The following ODAD2 variants were observed in gnomAD, a reference collection of about 807,000 sequenced individuals.
ODAD2 encodes the protein outer dynein arm docking complex subunit 2, also known as outer dynein arm-docking complex subunit 2.
Under a neutral mutation model 106.8 loss-of-function variants are expected in ODAD2, and 89 were observed. The ratio of observed to expected loss-of-function variants is 0.83; its 90% CI spans 0.70 to 0.99. The LOEUF (loss-of-function observed/expected upper bound fraction) is 0.99. Among genes scored for constraint, ODAD2 ranks in the 50% least tolerant of loss-of-function variants. The pLI, the probability that ODAD2 is intolerant of heterozygous loss-of-function variation, is 0.00. For synonymous variants in ODAD2, 404 were observed against 436.2 expected, an observed-to-expected ratio of 0.93 and a Z score of 0.92; for missense variants, 1,168 against 1,238.5, an observed-to-expected ratio of 0.94 and a Z score of 0.85.
At chr10:27,942,691 G>T (rs910461575) in intron 12 of ODAD2, among the ~76,000 whole-genome samples, 3 of 152,050 alleles carry the variant, frequency 2.0e-5, no homozygotes, top group Non-Finnish European at 4.4e-5. Context: ...TAAATTTTCT[G>T]TAACATTTTA....
At position 27,907,655 on chromosome 10, in the gene ODAD2, G is replaced by C. The variant is rs372647560; in HGVS notation, c.2610+8C>G. On this transcript the variant is annotated splice_region_variant and intron_variant, in intron 17 of 19. Transcript: ENST00000305242. ...TCTAGAAGAGACTGACTTGCAGTCC[G>C]TTCTTACCTTTGCATTTTTGATGCA... The C allele has an allele frequency of 9.4e-6, 15 of 1,599,314 alleles. No individual in the cohort carries two copies. The highest frequency in any genetic ancestry group is 1.7e-5 in the Admixed American group (1 of 59,932).
intron 19 of ODAD2, among the ~76,000 whole-genome samples, chr10:27,831,364 A>T (rs1393171053): frequency 8.5e-5 from 13 of 152,198 alleles, no homozygotes; most frequent in Admixed American, 8.5e-4. Context: ...GGAAAGGCAG[A>T]GGGGCTAGAG....
At chr10:27,974,806 A>G (rs1021489753) in intron 7 of ODAD2, among the ~76,000 whole-genome samples, 5 of 151,708 alleles carry the variant, frequency 3.3e-5, no homozygotes, top group Admixed American at 6.6e-5. Flanking sequence ...TAGGAATAGC[A>G]TTGAATCTAT....
intron 10 of ODAD2, chr10:27,959,046 C>T: frequency 4.7e-6 from 6 of 1,288,396 alleles, no homozygotes; most frequent in Non-Finnish European, 6.1e-6. Context: ...TTCTGAAAGA[C>T]TATGTCTTGG....
intron 17 of ODAD2, among the ~76,000 whole-genome samples, chr10:27,874,075 T>G (rs1675334505): frequency 6.6e-6 from 1 of 152,214 alleles, no homozygotes; most frequent in African/African-American, 2.4e-5. Context: ...GATAGTTAGT[T>G]CTCCTTGTTG....
upstream of ODAD2, among the ~76,000 whole-genome samples, chr10:27,999,344 T>C (rs765407832): frequency 2.0e-5 from 3 of 152,148 alleles, no homozygotes; most frequent in Non-Finnish European, 2.9e-5. Flanking sequence ...CATTTTTCCA[T>C]AGGCTTCCAG....
At chr10:27,871,124 C>T (rs1374713410) in intron 17 of ODAD2, among the ~76,000 whole-genome samples, 3 of 152,100 alleles carry the variant, frequency 2.0e-5, no homozygotes, top group Admixed American at 6.6e-5. Context: ...AGCATTTTTT[C>T]GTGTGTCTAT....
intron 9 of ODAD2, among the ~76,000 whole-genome samples, chr10:27,966,787 C>T (rs1332421713): frequency 3.3e-5 from 5 of 152,054 alleles, no homozygotes; most frequent in Non-Finnish European, 7.4e-5. Flanking sequence ...GAAATACTTT[C>T]GGCCCAATAT....
At chr10:27,960,456 C>T (rs1848055319) in intron 10 of ODAD2, among the ~76,000 whole-genome samples, 2 of 151,456 alleles carry the variant, frequency 1.3e-5, no homozygotes, top group South Asian at 2.1e-4. Flanking sequence ...AAGCAATTCT[C>T]CTGCCTCAGC....
chr10:27,967,424 T>C (rs1437562523), intron 9 of ODAD2, among the ~76,000 whole-genome samples: 1 of 152,208 alleles, frequency 6.6e-6, no homozygotes, highest in Non-Finnish European at 1.5e-5. Flanking sequence ...AGCAGAGGCA[T>C]AGGTGGAGCA....
chr10:27,966,109 C>A (rs1588626354), intron 9 of ODAD2, among the ~76,000 whole-genome samples: 1 of 145,810 alleles, frequency 6.9e-6, no homozygotes, highest in South Asian at 2.3e-4. Context: ...TAATTTCTTA[C>A]AGGTTTTTTG....
At chr10:27,831,697 T>A (rs987241348) in intron 19 of ODAD2, among the ~76,000 whole-genome samples, 26 of 152,240 alleles carry the variant, frequency 1.7e-4, no homozygotes, top group Non-Finnish European at 1.2e-4. Flanking sequence ...TGGCCTGGCC[T>A]CATTCTTGGA....
At chr10:27,886,618 A>G (rs894711564) in intron 17 of ODAD2, among the ~76,000 whole-genome samples, 2 of 152,096 alleles carry the variant, frequency 1.3e-5, no homozygotes, top group African/African-American at 2.4e-5. Context: ...TAAAAATAAC[A>G]GTATTACAGT....
At chr10:27,928,353 G>A (rs890632686) in intron 16 of ODAD2, among the ~76,000 whole-genome samples, 18 of 151,936 alleles carry the variant, frequency 1.2e-4, no homozygotes, top group East Asian at 3.9e-4. Context: ...TTAACCTATC[G>A]ATTTCTCTAT....
rs754506887 is a variant in ODAD2, at chr10:27,981,559, G to A, written c.843C>T (p.Asp281=). Residue 281 remains aspartate (D), a synonymous_variant, in exon 7 of 20, where the codon GAC becomes GAT. Coordinates refer to ENST00000305242, the MANE Select transcript of ODAD2 (RefSeq NM_018076.5). ...LNGGKTDDEG[D]VNYERKGSIY... The stretch of plus-strand genomic sequence containing the variant: ...TTGAACCTTTTCTCTCATAATTAAC[G>A]TCCCCTTCATCATCTGTTTTGCCCT... The A allele has an allele frequency of 3.4e-5, 52 of 1,540,416 alleles. No individual in the cohort carries two copies. Among genetic ancestry groups the A allele is most frequent in the South Asian group, 2.6e-5 (2 of 76,936 alleles).
At chr10:27,987,226 T>G (rs1430430013) in intron 3 of ODAD2, among the ~76,000 whole-genome samples, 160 bp downstream of exon 3, 1 of 152,214 alleles carries the variant, frequency 6.6e-6, no homozygotes, top group African/African-American at 2.4e-5. Context: ...CCAAGGAAAA[T>G]TAATAACATT....
intron 10 of ODAD2, among the ~76,000 whole-genome samples, chr10:27,956,705 G>A (rs911740944): frequency 1.3e-5 from 2 of 152,142 alleles, no homozygotes; most frequent in African/African-American, 2.4e-5. Context: ...TGCCTATAGG[G>A]TTAAAACCAT....
intron 17 of ODAD2, among the ~76,000 whole-genome samples, chr10:27,888,642 T>C (rs1366567626): frequency 1.3e-5 from 2 of 152,208 alleles, no homozygotes; most frequent in Non-Finnish European, 2.9e-5. Flanking sequence ...ATTATTACTT[T>C]GGCTGTGTAA....
intron 17 of ODAD2, among the ~76,000 whole-genome samples, chr10:27,885,577 TAA>T (rs1422826486): frequency 2.7e-5 from 1 of 37,146 alleles, no homozygotes; most frequent in African/African-American, 1.1e-4. Flanking sequence ...TATATATATA[TAA>T]ATATATAAAT....
Sources: gnomAD v4.1 joint callset for allele counts (sites outside exome capture counted in the v4.1 genomes callset) on GRCh38, gnomAD v4.1.1 for gene constraint, MANE v1.5 for transcripts, NCBI Gene and HGNC (gene_info 2026-07-23, HGNC 2026-07-21) for gene names.